Variants in TPTE2 observed in about 807,000 individuals in gnomAD.
The protein encoded by TPTE2 is transmembrane phosphoinositide 3-phosphatase and tensin homolog 2.
Under a neutral mutation model 78.6 loss-of-function variants are expected in TPTE2, and 53 were observed. The ratio of observed to expected loss-of-function variants is 0.67; its 90% CI spans 0.54 to 0.85. The LOEUF (loss-of-function observed/expected upper bound fraction) is 0.85. Among genes scored for constraint, TPTE2 ranks in the 40% least tolerant of loss-of-function variants. TPTE2 has a pLI of 0.00. For synonymous variants in TPTE2, 175 were observed against 206.2 expected (o/e 0.85, Z 1.30); for missense variants, 461 against 623.0 (o/e 0.74, Z 2.77).
chr13:19,489,511 T>G (rs1880861221), intron 3 of TPTE2, among the ~76,000 whole-genome samples: 1 of 150,394 alleles, frequency 6.6e-6, no homozygotes, highest in South Asian at 2.1e-4. Flanking sequence ...ATATATATAT[T>G]AGAGGATATA....
At chr13:19,424,585 G>A (rs974328439) in intron 19 of TPTE2, among the ~76,000 whole-genome samples, 7 of 152,232 alleles carry the variant, frequency 4.6e-5, no homozygotes, top group South Asian at 2.1e-4. Flanking sequence ...ATGGTGGTTC[G>A]TCATTGGTAA....
chr13:19,553,834 T>G, the TPTE2 span, among the ~76,000 whole-genome samples: 2 of 152,230 alleles, frequency 1.3e-5, no homozygotes, highest in African/African-American at 4.8e-5. Flanking sequence ...TGGAGGGTCA[T>G]GAAAAATGTT....
chr13:19,463,684 G>C (rs2137561452), intron 10 of TPTE2, among the ~76,000 whole-genome samples: 1 of 151,968 alleles, frequency 6.6e-6, no homozygotes, highest in Middle Eastern at 3.4e-3. Context: ...CATTGAGTAG[G>C]GTGCTTTGAC....
the TPTE2 span, among the ~76,000 whole-genome samples, chr13:19,546,260 T>C: frequency 3.7e-4 from 57 of 152,128 alleles, no homozygotes; most frequent in African/African-American, 1.3e-3. Context: ...TCCCAGCCCC[T>C]ATTGGGTTAG....
chr13:19,539,929 G>C (rs977756773), upstream of TPTE2, among the ~76,000 whole-genome samples: 2 of 152,126 alleles, frequency 1.3e-5, no homozygotes, highest in African/African-American at 4.8e-5. Context: ...TGAATCACCT[G>C]AGGTCAGGAG....
intron 1 of TPTE2, among the ~76,000 whole-genome samples, chr13:19,497,458 C>G (rs12876551): frequency 9.1e-6 from 1 of 109,818 alleles, no homozygotes; most frequent in Non-Finnish European, 2.0e-5. Flanking sequence ...GATCTGAGAA[C>G]GGGCAGACTG....
chr13:19,507,324 AAC>A (rs1555255241), upstream of TPTE2, among the ~76,000 whole-genome samples: 26 of 150,988 alleles, frequency 1.7e-4, 1 homozygote, highest in African/African-American at 6.4e-4. Flanking sequence ...AAAAAAAAAA[AAC>A]ACATGCAATT....
the TPTE2 span, chr13:19,560,860 G>T: frequency 1.3e-6 from 2 of 1,561,900 alleles, no homozygotes; most frequent in Non-Finnish European, 1.7e-6. Context: ...TGAAGCGGCA[G>T]GCCTGACAGG....
rs1047444263 is a variant in TPTE2 at position 19,511,623 on chromosome 13, C to G, written c.-43-8346G>C. ...CTGATTCCAGGGCTGGGGAAATGCT[C>G]AAAAAGTGATGGGAACATGTCAAGC... On this transcript the variant is annotated intron_variant, in intron 1 of 17. Transcript: ENST00000390680. 5.3e-5 allele frequency among the ~76,000 whole-genome samples: 8 copies of G among 152,202 alleles called. No homozygotes were observed. In the East Asian group the frequency reaches 1.5e-3, roughly 29 times the overall value.
At chr13:19,437,833 T>C (rs1450988929) in intron 14 of TPTE2, among the ~76,000 whole-genome samples, 4 of 152,126 alleles carry the variant, frequency 2.6e-5, no homozygotes, top group African/African-American at 4.8e-5. Context: ...TTAATTATTA[T>C]AATTTTTAGC....
intron 7 of TPTE2, among the ~76,000 whole-genome samples, chr13:19,466,832 T>C (rs1228089413): frequency 1.3e-5 from 2 of 152,254 alleles, no homozygotes; most frequent in Non-Finnish European, 2.9e-5. Flanking sequence ...GTTTTCAATA[T>C]AAGTTTTTTT....
chr13:19,553,295 A>C, the TPTE2 span, among the ~76,000 whole-genome samples: 1 of 152,224 alleles, frequency 6.6e-6, no homozygotes, highest in Non-Finnish European at 1.5e-5. Flanking sequence ...TTGAAACTTC[A>C]GATCATCTTT....
Position 19,460,568 on chromosome 13 carries a change from T to C in TPTE2, c.741+3888A>G, listed in dbSNP as rs926042711. Among the ~76,000 whole-genome samples, 37 of 152,180 alleles carry C rather than the reference T, an allele frequency of 2.4e-4. 1 individual carries two copies. Among genetic ancestry groups the C allele is most frequent in the African/African-American group, 8.7e-4 (36 of 41,424 alleles). ...CTTAATTCCTATAGCCCTTGGTTTA[T>C]CACCAGTTTCTTGACAAAATAATCC... On this transcript the variant is annotated intron_variant, in intron 10 of 19. Transcript: ENST00000400230.
At chr13:19,430,516 T>C (rs1371282024) in exon 17 of TPTE2, 1 of 1,611,338 alleles carries the variant, frequency 6.2e-7, no homozygotes, top group East Asian at 2.2e-5. Context: ...TTTTCTCCAT[T>C]ACTACTTGGA....
At chr13:19,461,006 TC>T (rs1315326772) in intron 10 of TPTE2, among the ~76,000 whole-genome samples, 6 of 151,606 alleles carry the variant, frequency 4.0e-5, no homozygotes, top group Admixed American at 6.6e-5. Context: ...TATAGTTCCT[TC>T]CATCAAGAGT....
At chr13:19,475,501 C>G in intron 5 of TPTE2, 72 bp downstream of exon 8, 1 of 1,551,212 alleles carries the variant, frequency 6.4e-7, no homozygotes, top group Admixed American at 1.8e-5. Flanking sequence ...GCTGGGATTA[C>G]AGGCGTGAGC....
chr13:19,425,079 T>A, intron 18 of TPTE2, 62 bp from the exon 22 acceptor site: 1 of 814,694 alleles, frequency 1.2e-6, no homozygotes, highest in Non-Finnish European at 1.9e-6. Flanking sequence ...CCAAAGAAAT[T>A]AAAGTTCCTT....
Position 19,448,134 on chromosome 13 carries a change from A to C in TPTE2, c.973+1942T>G, listed in dbSNP as rs113523632. ...GGGGAAACTGAATATCCACTTGCAG[A>C]AAAATGAAATTGCAACCTATCTCAC... is the stretch of plus-strand genomic sequence containing the variant. On this transcript the variant is annotated intron_variant, in intron 13 of 19. Coordinates refer to ENST00000400230, the Ensembl canonical transcript of TPTE2. 1.6e-3 allele frequency among the ~76,000 whole-genome samples: 237 copies of C among 152,322 alleles called. 4 individuals carry two copies. Among genetic ancestry groups the C allele is most frequent in the African/African-American group, 5.4e-3 (226 of 41,576 alleles).
intron 10 of TPTE2, among the ~76,000 whole-genome samples, chr13:19,459,627 T>C (rs1878761358): frequency 1.3e-5 from 2 of 152,060 alleles, no homozygotes. Context: ...CAGCTGCCCC[T>C]CCCGCCAGGA....
Sources: gnomAD v4.1 joint callset for allele counts (sites outside exome capture counted in the v4.1 genomes callset) on GRCh38, gnomAD v4.1.1 for gene constraint, MANE v1.5 for transcripts, NCBI Gene and HGNC (gene_info 2026-07-23, HGNC 2026-07-21) for gene names.